SLC66A1: variants seen among roughly 807,000 people sequenced by gnomAD.
SLC66A1 encodes solute carrier family 66 member 1.
In SLC66A1, 23 loss-of-function variants were observed where a neutral mutation model predicts 33.0. The observed-to-expected ratio is 0.70, with a 90% CI of 0.50 to 0.99. The LOEUF is 0.99. Among genes scored for constraint, SLC66A1 ranks in the 50% least tolerant of loss-of-function variants. The pLI, the probability that SLC66A1 is intolerant of heterozygous loss-of-function variation, is 0.00. For synonymous variants in SLC66A1, 164 were observed against 175.5 expected, an observed-to-expected ratio of 0.93 and a Z score of 0.52; for missense variants, 335 against 383.6, an observed-to-expected ratio of 0.87 and a Z score of 1.06.
intron 5 of SLC66A1, 35 bp from the exon 6 acceptor site, chr1:19,326,496 C>T: frequency 6.2e-7 from 1 of 1,614,016 alleles, no homozygotes; most frequent in African/African-American, 1.3e-5. Context: ...CCTCTGGCTC[C>T]TACGAGACAC....
chr1:19,317,365 G>A lies in SLC66A1; in HGVS notation c.-78-235G>A, dbSNP rs932819564. Among the ~76,000 whole-genome samples, 7 of 152,320 alleles carry A rather than the reference G, an allele frequency of 4.6e-5. No homozygotes were observed. The South Asian group carries it at 8.3e-4, about 18-fold the overall frequency. On this transcript the variant is annotated intron_variant, in intron 1 of 7. Coordinates refer to ENST00000375153, the MANE Select transcript of SLC66A1 (RefSeq NM_001040125.2). Reference sequence around the variant, plus strand: ...ATGAAGCAGGGATTTGAACACACCCGTCCCTTCTGCAGATCCAGCACGCTG... The same window carrying A: ...ATGAAGCAGGGATTTGAACACACCCATCCCTTCTGCAGATCCAGCACGCTG...
chr1:19,325,641 G>GAGT, intron 4 of SLC66A1, 59 bp downstream of exon 4: 1 of 1,058,902 alleles, frequency 9.4e-7, no homozygotes, highest in Non-Finnish European at 1.4e-6. Context: ...GCAGTTGTGG[G>GAGT]GGGGGGCGCC....
rs1218916519 is a variant in SLC66A1, at chr1:19,312,399, G to T, written c.-569G>T. Reference sequence around the variant, plus strand: ...GGCAGGTGGCAAACTTCACGGCTGGGGGTCGGGGCTCCTGGGCTTCCCTGC... The same window carrying T: ...GGCAGGTGGCAAACTTCACGGCTGGTGGTCGGGGCTCCTGGGCTTCCCTGC... On this transcript the variant is annotated 5_prime_UTR_variant, in exon 1 of 8. Coordinates refer to ENST00000375153, the MANE Select transcript of SLC66A1 (RefSeq NM_001040125.2). 9.1e-6 allele frequency: 2 copies of T among 218,766 alleles called. No individual in the cohort carries two copies. Among genetic ancestry groups the T allele is most frequent in the Admixed American group, 5.8e-5 (1 of 17,310 alleles). The allele number at this position is 218,766 out of a possible 1,614,324, so 13.6% of individuals were successfully genotyped here. A position where few individuals can be genotyped will look rare whatever the true frequency, so the allele number is the denominator to read the frequency against.
At chr1:19,327,735 A>G (rs2093876998) in intron 7 of SLC66A1, 4 of 514,674 alleles carry the variant, frequency 7.8e-6, no homozygotes, top group South Asian at 6.4e-5. Flanking sequence ...AGTGCTGCAG[A>G]GAAAAACAAC....
At chr1:19,327,796 T>G in intron 7 of SLC66A1, 1 of 375,906 alleles carries the variant, frequency 2.7e-6, no homozygotes, top group Non-Finnish European at 5.4e-6. Flanking sequence ...CAAAGGCCCC[T>G]ATAAGTCTCA....
At chr1:19,326,692 G>T in intron 6 of SLC66A1, 69 bp downstream of exon 6, 3 of 1,496,342 alleles carry the variant, frequency 2.0e-6, no homozygotes, top group Non-Finnish European at 2.8e-6. Flanking sequence ...GGGCCCTCTG[G>T]GCTAAGGAGT....
chr1:19,313,702 G>C (rs562346132), intron 1 of SLC66A1, among the ~76,000 whole-genome samples: 1 of 152,330 alleles, frequency 6.6e-6, no homozygotes, highest in East Asian at 1.9e-4. Context: ...TGAAGACGTG[G>C]GTCAGGAGGC....
chr1:19,316,965 C>G (rs538597601), intron 1 of SLC66A1, among the ~76,000 whole-genome samples: 4 of 123,500 alleles, frequency 3.2e-5, no homozygotes, highest in Middle Eastern at 7.5e-3. Flanking sequence ...GTTGCCCAGG[C>G]TGCCAGGCTG....
rs368464269 is a variant in SLC66A1, at chr1:19,324,085, G to T, written c.165-548G>T. On this transcript the variant is annotated intron_variant, in intron 2 of 7. Coordinates refer to ENST00000375153, the MANE Select transcript of SLC66A1 (RefSeq NM_001040125.2). ...CCAAAAGCCTACTACCTTGATAGTG[G>T]AGCTCCAGGCGCCTCAGCCCCGCCC... Among the ~76,000 whole-genome samples, 155 of 152,356 alleles carry T rather than the reference G, an allele frequency of 1.0e-3. 2 individuals carry two copies. The highest frequency in any genetic ancestry group is 3.5e-3 in the African/African-American group (145 of 41,584).
intron 2 of SLC66A1, among the ~76,000 whole-genome samples, chr1:19,318,307 C>T (rs1299250205): frequency 6.6e-6 from 1 of 152,132 alleles, no homozygotes; most frequent in South Asian, 2.1e-4. Context: ...TTGACAGTCT[C>T]GTGGTGGAGA....
At chr1:19,325,850 CCT>C (rs761697507) in intron 4 of SLC66A1, among the ~76,000 whole-genome samples, 1 of 152,236 alleles carries the variant, frequency 6.6e-6, no homozygotes. Context: ...TCCAGCTCCT[CCT>C]CTGTGTCCGG....
At chr1:19,317,456 T>C (rs1225697733) in intron 1 of SLC66A1, 144 bp from the exon 2 acceptor site, 2 of 1,090,164 alleles carry the variant, frequency 1.8e-6, no homozygotes, top group East Asian at 2.8e-5. Context: ...GATTGGGTCC[T>C]GGTGGGTGAA....
At chr1:19,319,927 A>G (rs1267414791) in intron 2 of SLC66A1, among the ~76,000 whole-genome samples, 1 of 147,994 alleles carries the variant, frequency 6.8e-6, no homozygotes, top group South Asian at 2.2e-4. Context: ...ACAAGGTCTC[A>G]CTCTGGTCCC....
chr1:19,332,956 G>C (rs1345201720), downstream of SLC66A1, among the ~76,000 whole-genome samples: 1 of 152,236 alleles, frequency 6.6e-6, no homozygotes, highest in Non-Finnish European at 1.5e-5. Context: ...CGCCTTGGCA[G>C]GTTCTGTTTT....
chr1:19,321,109 G>T (rs1319852983), intron 2 of SLC66A1, among the ~76,000 whole-genome samples: 1 of 147,410 alleles, frequency 6.8e-6, no homozygotes, highest in Non-Finnish European at 1.5e-5. Flanking sequence ...TTGTGGTTTT[G>T]GTGTCATATC....
intron 4 of SLC66A1, 33 bp downstream of exon 4, chr1:19,325,615 C>A: frequency 1.4e-6 from 2 of 1,379,890 alleles, no homozygotes; most frequent in Non-Finnish European, 2.0e-6. Context: ...GTCAGATGCT[C>A]TACCAGCAGC....
Position 19,324,670 on chromosome 1 carries a change from C to CA in SLC66A1, c.203dup (p.Ala69GlyfsTer25), listed in dbSNP as rs1319969846. ...AGCCTACAAGACGGGCAACATGGACCAGGCGCTGTCCCTGTGGTTCCTCCT... is the reference window on the plus strand; with the variant it reads ...AGCCTACAAGACGGGCAACATGGACCAAGGCGCTGTCCCTGTGGTTCCTCCT... On this transcript the variant is annotated frameshift_variant, in exon 3 of 8. Coordinates refer to ENST00000375153, the MANE Select transcript of SLC66A1 (RefSeq NM_001040125.2). LOFTEE classifies it high-confidence loss of function. 1 of 1,614,088 alleles carries CA rather than the reference C, an allele frequency of 6.2e-7. No homozygotes were observed. Among genetic ancestry groups the CA allele is most frequent in the Non-Finnish European group, 8.5e-7 (1 of 1,180,016 alleles).
At chr1:19,325,071 G>A (rs1160055400) in intron 3 of SLC66A1, among the ~76,000 whole-genome samples, 2 of 152,216 alleles carry the variant, frequency 1.3e-5, no homozygotes, top group African/African-American at 2.4e-5. Flanking sequence ...CGAGGAGAAA[G>A]GGAGTTTTTC....
intron 6 of SLC66A1, 33 bp from the exon 7 acceptor site, chr1:19,327,194 C>G: frequency 6.4e-7 from 1 of 1,564,598 alleles, no homozygotes; most frequent in Non-Finnish European, 8.8e-7. Context: ...GAGGCCTGTT[C>G]GAGGTCTCTG....
Sources: allele counts gnomAD v4.1 joint callset (sites outside exome capture counted in the v4.1 genomes callset), GRCh38; gene constraint gnomAD v4.1.1; transcripts MANE v1.5; gene names NCBI Gene and HGNC (gene_info 2026-07-23, HGNC 2026-07-21).